MAPK6: variants seen among roughly 807,000 people sequenced by gnomAD.
The protein encoded by MAPK6 is mitogen-activated protein kinase 6, also known as ERK-3.
MAPK6 carries 19 observed loss-of-function variants against 59.3 expected under a neutral mutation model. That is an observed-to-expected ratio of 0.32 (90% CI 0.22 to 0.47). MAPK6 has a LOEUF of 0.47. Ranked by LOEUF, MAPK6 falls within the 20% of genes least tolerant of loss-of-function variation. MAPK6 has a pLI of 1.00. For missense variants in MAPK6, 724 were observed against 847.9 expected, an observed-to-expected ratio of 0.85 and a Z score of 1.81; for synonymous variants, 316 against 290.3, an observed-to-expected ratio of 1.09 and a Z score of -0.90.
Position 52,046,210 on chromosome 15 carries a change from C to T in MAPK6, c.-251C>T. On this transcript the variant is annotated 5_prime_UTR_variant, in exon 2 of 6. Transcript: ENST00000261845. Reference sequence around the variant, plus strand: ...CGTTAAATGTCTGCAGAGTTGCTGCCCCTTTCTTGAACTATGAGTACTGCA... The same window carrying T: ...CGTTAAATGTCTGCAGAGTTGCTGCTCCTTTCTTGAACTATGAGTACTGCA... The T allele has an allele frequency of 2.8e-6, 1 of 351,406 alleles. No individual in the cohort carries two copies. Among genetic ancestry groups the T allele is most frequent in the Non-Finnish European group, 5.1e-6 (1 of 194,300 alleles). The allele number at this position is 351,406 out of a possible 1,614,324, so 21.8% of individuals were successfully genotyped here. A position where few individuals can be genotyped will look rare whatever the true frequency, so the allele number is the denominator to read the frequency against.
intron 2 of MAPK6, among the ~76,000 whole-genome samples, chr15:52,048,875 T>G (rs1057504128): frequency 2.6e-5 from 4 of 152,096 alleles, no homozygotes; most frequent in African/African-American, 7.2e-5. Flanking sequence ...GAGATGAGTA[T>G]TACACTGACG....
chr15:51,976,284 A>AG lies in MAPK6; in HGVS notation c.-880+4378_-880+4379insG, dbSNP rs1233255147. Among the ~76,000 whole-genome samples the AG allele has an allele frequency of 2.2e-4, 33 of 151,308 alleles. 2 individuals are homozygous for AG. Among genetic ancestry groups the AG allele is most frequent in the East Asian group, 1.5e-3 (8 of 5,190 alleles). ...CCCATCTCAAAAAAAAAAAAAAAAA[A>AG]AAGAAGTTAATTATAAACTATGTAG... On this transcript the variant is annotated intron_variant, in intron 1 of 7. Transcript: ENST00000691380.
At chr15:52,061,185 T>G in intron 4 of MAPK6, 114 bp from the exon 5 acceptor site, 1 of 757,052 alleles carries the variant, frequency 1.3e-6, no homozygotes, top group Non-Finnish European at 2.3e-6. Flanking sequence ...TTGTGTAGTA[T>G]GTAGTGCTAA....
chr15:51,984,873 T>C (rs2057186009), intron 2 of MAPK6, among the ~76,000 whole-genome samples: 1 of 152,152 alleles, frequency 6.6e-6, no homozygotes, highest in Non-Finnish European at 1.5e-5. Flanking sequence ...GGAAGTGAGA[T>C]TATGGGAAGA....
chr15:52,061,177 G>A lies in MAPK6; in HGVS notation c.866-122G>A. On this transcript the variant is annotated intron_variant, in intron 4 of 5. Transcript: ENST00000261845. ...ACAATTAAGATGCTCATTTCCTGTT[G>A]TGTAGTATGTAGTGCTAAGGTAATC... 10 of 708,708 alleles carry A rather than the reference G, an allele frequency of 1.4e-5. No homozygotes were observed. In the South Asian group the frequency reaches 1.8e-4, roughly 13 times the overall value. 43.9% of individuals were successfully genotyped at this position (708,708 alleles called of 1,614,324 possible).
upstream of MAPK6, among the ~76,000 whole-genome samples, chr15:52,015,690 GA>G (rs1339988686): frequency 6.6e-6 from 1 of 150,450 alleles, no homozygotes; most frequent in African/African-American, 2.4e-5. Flanking sequence ...TTGGTCAGGT[GA>G]TCCGCCCACC....
At chr15:52,062,124 G>T (rs2032228881) in intron 5 of MAPK6, among the ~76,000 whole-genome samples, 1 of 148,960 alleles carries the variant, frequency 6.7e-6, no homozygotes, top group Non-Finnish European at 1.5e-5. Context: ...CTAGAGTGCA[G>T]GCTGGAGTGC....
chr15:52,020,611 G>T (rs775440278), intron 1 of MAPK6, among the ~76,000 whole-genome samples: 2 of 152,152 alleles, frequency 1.3e-5, no homozygotes, highest in Admixed American at 1.3e-4. Context: ...CCTCTTTAAC[G>T]CTGGAAAACT....
Position 52,064,047 on chromosome 15 carries a change from G to A in MAPK6, c.1213G>A (p.Asp405Asn). 1 of 1,613,792 alleles carries A rather than the reference G, an allele frequency of 6.2e-7. No homozygotes were observed. The highest frequency in any genetic ancestry group is 8.5e-7 in the Non-Finnish European group (1 of 1,179,794). Residue 405 changes from aspartate to asparagine, a missense_variant, in exon 6 of 6, where the codon GAT becomes AAT. Physicochemically the swap from Asp to Asn is conservative, Grantham distance 23. Transcript: ENST00000261845. ...TGATCCCCGAAAATATTTGGATGGA[G>A]ATCGGGAAAAGTATCTGGAGGATCC... Reference protein sequence around the residue: ...QVDPRKYLDGDREKYLEDPAF... With the variant: ...QVDPRKYLDGNREKYLEDPAF...
intron 1 of MAPK6, among the ~76,000 whole-genome samples, chr15:51,975,668 G>A (rs974974961): frequency 2.6e-5 from 4 of 151,874 alleles, no homozygotes; most frequent in African/African-American, 9.7e-5. Context: ...TATATTCACT[G>A]AAAATTCACT....
At chr15:51,997,911 TTTTCTTTCTTTCTC>T (rs914825736) in intron 2 of MAPK6, among the ~76,000 whole-genome samples, 12 of 145,106 alleles carry the variant, frequency 8.3e-5, no homozygotes, top group African/African-American at 2.5e-4. Context: ...ATTTTCTTTC[TTTTCTTTCTTTCTC>T]TTTCTTTCTT....
upstream of MAPK6, among the ~76,000 whole-genome samples, chr15:52,016,344 G>A (rs569026282): frequency 3.4e-5 from 5 of 148,394 alleles, no homozygotes; most frequent in Admixed American, 2.0e-4. Flanking sequence ...AGCCTAGATC[G>A]TGCCACTACA....
intron 1 of MAPK6, 112 bp from the exon 2 acceptor site, chr15:52,045,718 T>G (rs1213660500): frequency 2.6e-5 from 4 of 152,676 alleles, no homozygotes; most frequent in African/African-American, 9.6e-5. Context: ...TAATTAAGTT[T>G]AATGTACCAG....
chr15:52,038,255 A>G (rs1443253413), intron 1 of MAPK6, among the ~76,000 whole-genome samples: 1 of 152,048 alleles, frequency 6.6e-6, no homozygotes, highest in East Asian at 1.9e-4. Context: ...AACGTAATGG[A>G]TGGATGGGAG....
intron 3 of MAPK6, among the ~76,000 whole-genome samples, chr15:52,055,118 G>GA (rs1261034647): frequency 6.6e-6 from 1 of 152,192 alleles, no homozygotes; most frequent in East Asian, 1.9e-4. Context: ...TAACGAGTCA[G>GA]AAAAACAAGC....
intron 1 of MAPK6, among the ~76,000 whole-genome samples, chr15:52,026,313 C>A (rs192642078): frequency 6.6e-6 from 1 of 152,096 alleles, no homozygotes; most frequent in African/African-American, 2.4e-5. Context: ...TGTTTTGAGA[C>A]GGAGTTTTGC....
chr15:51,999,746 C>T (rs1566896303), intron 2 of MAPK6, among the ~76,000 whole-genome samples: 1 of 152,140 alleles, frequency 6.6e-6, no homozygotes, highest in Non-Finnish European at 1.5e-5. Flanking sequence ...TGGGCTTAAG[C>T]CAGCCTTCCA....
In MAPK6 at chr15:52,066,264, C is replaced by A. The variant is rs546534995; in HGVS notation, c.*1264C>A. The A allele has an allele frequency of 3.2e-4, 49 of 152,344 alleles. No individual in the cohort carries two copies. The highest frequency in any genetic ancestry group is 6.2e-4 in the South Asian group (3 of 4,822). 9.4% of individuals were successfully genotyped at this position (152,344 alleles called of 1,614,324 possible). On this transcript the variant is annotated 3_prime_UTR_variant, in exon 6 of 6. Coordinates refer to ENST00000261845, the MANE Select transcript of MAPK6 (RefSeq NM_002748.4). ...ACAAATAAAACATGGCCAGCAAATACAGCTCCTGTTTCACTCTTGGGTTAA... is the reference window on the plus strand; with the variant it reads ...ACAAATAAAACATGGCCAGCAAATAAAGCTCCTGTTTCACTCTTGGGTTAA...
At chr15:52,003,024 T>C (rs921582767) in intron 2 of MAPK6, among the ~76,000 whole-genome samples, 1 of 152,040 alleles carries the variant, frequency 6.6e-6, no homozygotes, top group South Asian at 2.1e-4. Flanking sequence ...CCGTCTCTAC[T>C]AAAAATATAA....
Sources: allele counts gnomAD v4.1 joint callset (sites outside exome capture counted in the v4.1 genomes callset), GRCh38; gene constraint gnomAD v4.1.1; transcripts MANE v1.5; gene names NCBI Gene and HGNC (gene_info 2026-07-23, HGNC 2026-07-21).